CNTRL: variants seen among roughly 807,000 people sequenced by gnomAD.
The protein encoded by CNTRL is centriolin.
A neutral mutation model predicts 303.7 loss-of-function variants in CNTRL; 233 were observed. The observed-to-expected ratio is 0.77, with a 90% CI of 0.69 to 0.86. The LOEUF is 0.86. Among genes scored for constraint, CNTRL ranks in the 40% least tolerant of loss-of-function variants. CNTRL has a pLI of 0.00. For missense variants in CNTRL, 2,524 were observed against 2,650.6 expected (o/e 0.95, Z 1.05); for synonymous variants, 900 against 922.2 (o/e 0.98, Z 0.44).
chr9:121,102,228 A>G (rs1406704887), intron 7 of CNTRL, among the ~76,000 whole-genome samples: 3 of 152,262 alleles, frequency 2.0e-5, no homozygotes, highest in Non-Finnish European at 4.4e-5. Flanking sequence ...CATCCCTGGC[A>G]TGCAAGGCTG....
At chr9:121,154,610 A>T (rs2052461361) in intron 26 of CNTRL, 111 bp from the exon 27 acceptor site, 1 of 645,408 alleles carries the variant, frequency 1.5e-6, no homozygotes, top group South Asian at 2.1e-5. Context: ...TTTCTTACCT[A>T]TTCTCATATA....
intron 16 of CNTRL, 93 bp downstream of exon 16, chr9:121,138,772 G>A (rs1022015374): frequency 1.6e-6 from 2 of 1,282,848 alleles, no homozygotes; most frequent in Admixed American, 2.2e-5. Flanking sequence ...GCTCTAACAT[G>A]TAGTAAGCAA....
intron 14 of CNTRL, among the ~76,000 whole-genome samples, chr9:121,126,606 A>C (rs1008367125): frequency 8.5e-5 from 13 of 152,204 alleles, no homozygotes; most frequent in Non-Finnish European, 1.9e-4. Flanking sequence ...AAAACATTAT[A>C]GGTACATTTG....
rs1417343522 is a variant in CNTRL, at chr9:121,146,123, T to G, written c.3326T>G (p.Phe1109Cys). The G allele has an allele frequency of 6.2e-7, 1 of 1,609,490 alleles. No homozygotes were observed. The highest frequency in any genetic ancestry group is 2.2e-5 in the East Asian group (1 of 44,838). Residue 1109 changes from phenylalanine (F) to cysteine (C), a missense_variant, in exon 23 of 44, where the codon TTT (phenylalanine) becomes TGT (cysteine). Physicochemically the swap from Phe to Cys is radical, Grantham distance 205 (BLOSUM62 -2). Coordinates refer to ENST00000373855, the MANE Select transcript of CNTRL (RefSeq NM_007018.6). Reference sequence around the variant, plus strand: ...TTCTTTACAGACAACAAAGGAGGCTTTGAAAATGTTTTAGAAGAAATTGCT... The same window carrying G: ...TTCTTTACAGACAACAAAGGAGGCTGTGAAAATGTTTTAGAAGAAATTGCT... ...DLTGSDNKGG[F>C]ENVLEEIAEL...
rs375998545 is a variant in CNTRL, at chr9:121,173,468, C to G, written c.6643C>G (p.Pro2215Ala). The G allele has an allele frequency of 1.5e-5, 24 of 1,613,376 alleles. No individual in the cohort carries two copies. Among genetic ancestry groups the G allele is most frequent in the East Asian group, 2.2e-5 (1 of 44,890 alleles). ...CCTTCCATTTACCATGAATGAGGGA[C>G]CTTTTGAAGAAAAACTGAACTTTTC... ...ENLPFTMNEG[P>A]FEEKLNFSQV... The change falls in exon 41 of 44, where the codon CCT becomes GCT. Residue 2215 changes from proline to alanine, a missense_variant. Transcript: ENST00000373855.
chr9:121,153,077 G>C (rs762947947), intron 26 of CNTRL, among the ~76,000 whole-genome samples: 5 of 152,082 alleles, frequency 3.3e-5, no homozygotes, highest in Non-Finnish European at 7.4e-5. Context: ...GCTTCCAGTT[G>C]GTCTCTAAAT....
chr9:121,172,138 C>T lies in CNTRL; in HGVS notation c.6417+590C>T, dbSNP rs373520835. Among the ~76,000 whole-genome samples the T allele has an allele frequency of 4.3e-4, 65 of 152,236 alleles. 1 individual carries two copies. Among genetic ancestry groups the T allele is most frequent in the African/African-American group, 1.5e-3 (62 of 41,520 alleles). ...TCTAGTTTCATCTGTGCTTCCAATC[C>T]CCTGATGCCCCACATATACCCACCA... On this transcript the variant is annotated intron_variant, in intron 40 of 43. Transcript: ENST00000373855.
Position 121,125,963 on chromosome 9 carries a change from C to T in CNTRL, c.2025+27C>T, listed in dbSNP as rs371982819. On this transcript the variant is annotated intron_variant, in intron 14 of 43. Coordinates refer to ENST00000373855, the MANE Select transcript of CNTRL (RefSeq NM_007018.6). ...TATGATTTTTTTCCTGCCTATTTTC[C>T]GTAGCTTCATAAGTAGATAATGTCC... is the stretch of plus-strand genomic sequence containing the variant. 106 of 1,584,262 alleles carry T rather than the reference C, an allele frequency of 6.7e-5. 1 individual carries two copies. The highest frequency in any genetic ancestry group is 3.3e-4 in the Middle Eastern group (2 of 6,018).
Position 121,131,796 on chromosome 9 carries a change from C to T in CNTRL, c.2026-4010C>T, listed in dbSNP as rs530501209. ...GGGTTGTTCCTTTCCATGTTTAGTG[C>T]TTCCTTCAGGAGCTCTTGTAAGGCA... On this transcript the variant is annotated intron_variant, in intron 14 of 43. Coordinates refer to ENST00000373855, the MANE Select transcript of CNTRL (RefSeq NM_007018.6). Among the ~76,000 whole-genome samples the T allele has an allele frequency of 2.8e-3, 431 of 152,278 alleles. 2 individuals are homozygous for T. Among genetic ancestry groups the T allele is most frequent in the Admixed American group, 9.2e-3 (140 of 15,300 alleles).
Position 121,122,606 on chromosome 9 carries a change from T to C in CNTRL, c.1651-1325T>C, listed in dbSNP as rs189421152. On this transcript the variant is annotated intron_variant, in intron 12 of 43. Transcript: ENST00000373855. ...AACTTAAGAGTCATGAAGGTGTGAGTGGGAGGGCAAAGGTTCTCTGGGGAA... is the reference window on the plus strand; with the variant it reads ...AACTTAAGAGTCATGAAGGTGTGAGCGGGAGGGCAAAGGTTCTCTGGGGAA... Among the ~76,000 whole-genome samples, 21 of 152,270 alleles carry C rather than the reference T, an allele frequency of 1.4e-4. No individual in the cohort carries two copies. In the East Asian group the frequency reaches 3.9e-3, roughly 28 times the overall value.
intron 40 of CNTRL, 92 bp downstream of exon 40, chr9:121,171,640 G>A: frequency 7.7e-7 from 1 of 1,300,186 alleles, no homozygotes; most frequent in African/African-American, 1.5e-5. Flanking sequence ...CCCTTCTATA[G>A]TAGTATAGAA....
At chr9:121,108,675 T>A (rs1260412493) in intron 8 of CNTRL, among the ~76,000 whole-genome samples, 1 of 152,152 alleles carries the variant, frequency 6.6e-6, no homozygotes, top group Non-Finnish European at 1.5e-5. Flanking sequence ...CGCTCATGCC[T>A]TTAATCCCAA....
chr9:121,116,114 A>C (rs988855699), intron 11 of CNTRL, among the ~76,000 whole-genome samples: 1 of 152,190 alleles, frequency 6.6e-6, no homozygotes, highest in Non-Finnish European at 1.5e-5. Flanking sequence ...AAAAAATAGA[A>C]AACTAGGGGA....
chr9:121,094,971 CA>C lies in CNTRL; in HGVS notation c.434del (p.Lys145SerfsTer3), dbSNP rs1564197971. On this transcript the variant is annotated frameshift_variant, in exon 5 of 44. Coordinates refer to ENST00000373855, the MANE Select transcript of CNTRL (RefSeq NM_007018.6). LOFTEE classifies it high-confidence loss of function. ...TAATAGGGAAGATTGAAAAGTTGGA[CA>C]AGCTGTTAAAATTACGTGAACTCAA... is the stretch of plus-strand genomic sequence containing the variant. Reference protein sequence around the residue: ...NLIGKIEKLDKLLKLRELNLS... With the variant: ...NLIGKIEKLDXLLKLRELNLS... The C allele has an allele frequency of 5.0e-6, 8 of 1,606,880 alleles. No homozygotes were observed. Among genetic ancestry groups the C allele is most frequent in the Non-Finnish European group, 6.8e-6 (8 of 1,175,880 alleles).
intron 4 of CNTRL, among the ~76,000 whole-genome samples, chr9:121,092,151 C>G (rs114844199): frequency 0.073 from 10,591 of 145,048 alleles, 862 homozygotes; most frequent in African/African-American, 0.19. Flanking sequence ...TTTATATATG[C>G]TTATATATAA....
intron 14 of CNTRL, among the ~76,000 whole-genome samples, chr9:121,132,248 C>T (rs1462590655): frequency 6.6e-6 from 1 of 152,230 alleles, no homozygotes; most frequent in Non-Finnish European, 1.5e-5. Context: ...TCCATTCTCC[C>T]TGTCACTTTT....
At chr9:121,083,299 AAAAC>A (rs1336965860) in intron 2 of CNTRL, among the ~76,000 whole-genome samples, 1 of 152,350 alleles carries the variant, frequency 6.6e-6, no homozygotes, top group Middle Eastern at 3.4e-3. Context: ...AACTTAGCTT[AAAAC>A]AAACACATTG....
At position 121,177,496 on chromosome 9, in the gene CNTRL, TAAATC is replaced by T; in HGVS notation, c.*311_*315del. 3.3e-6 allele frequency: 1 copy of T among 307,174 alleles called. No individual in the cohort carries two copies. The highest frequency in any genetic ancestry group is 2.1e-5 in the African/African-American group (1 of 46,988). 19.0% of individuals were successfully genotyped at this position (307,174 alleles called of 1,614,324 possible). A position where few individuals can be genotyped will look rare whatever the true frequency, so the allele number is the denominator to read the frequency against. On this transcript the variant is annotated 3_prime_UTR_variant, in exon 44 of 44. Coordinates refer to ENST00000373855, the MANE Select transcript of CNTRL (RefSeq NM_007018.6). ...CTGCATATTTGAACCTACAAACTGG[TAAATC>T]TTATTAACAAAAAGAATGTACTTAA... is the stretch of plus-strand genomic sequence containing the variant.
At chr9:121,121,779 C>T (rs1296704979) in intron 12 of CNTRL, 2 of 985,248 alleles carry the variant, frequency 2.0e-6, no homozygotes, top group Admixed American at 6.1e-5. Flanking sequence ...CACTCTTGGC[C>T]AAGAATGTGG....
Sources: gnomAD v4.1 joint callset for allele counts (sites outside exome capture counted in the v4.1 genomes callset) on GRCh38, gnomAD v4.1.1 for gene constraint, MANE v1.5 for transcripts, NCBI Gene and HGNC (gene_info 2026-07-23, HGNC 2026-07-21) for gene names.